The following NRG1 variants were observed in gnomAD, a reference collection of about 807,000 sequenced individuals.
The protein encoded by NRG1 is neuregulin 1.
A neutral mutation model predicts 63.8 loss-of-function variants in NRG1; 18 were observed. The ratio of observed to expected loss-of-function variants is 0.28; its 90% CI spans 0.19 to 0.42. NRG1 has a LOEUF of 0.42. Ranked by LOEUF, NRG1 falls within the 10% of genes least tolerant of loss-of-function variation. The pLI is 1.00. For synonymous variants in NRG1, 302 were observed against 301.3 expected, an observed-to-expected ratio of 1.00 and a Z score of -0.02; for missense variants, 762 against 814.7, an observed-to-expected ratio of 0.94 and a Z score of 0.79.
At chr8:32,447,384 A>G (rs1434525681) in intron 1 of NRG1, among the ~76,000 whole-genome samples, 1 of 152,154 alleles carries the variant, frequency 6.6e-6, no homozygotes, top group Non-Finnish European at 1.5e-5. Context: ...AAATGGTGGT[A>G]TAGCAAGTCC....
intron 1 of NRG1, among the ~76,000 whole-genome samples, chr8:32,223,864 G>A (rs1846066506): frequency 6.6e-6 from 1 of 152,156 alleles, no homozygotes; most frequent in Admixed American, 6.5e-5. Context: ...AGCTGACTAT[G>A]AGTAAGAGGA....
intron 1 of NRG1, among the ~76,000 whole-genome samples, chr8:32,106,359 T>C (rs1449463839): frequency 6.6e-6 from 1 of 152,260 alleles, no homozygotes; most frequent in Non-Finnish European, 1.5e-5. Flanking sequence ...GGAAGTCAGT[T>C]AAAATGTATT....
intron 5 of NRG1, among the ~76,000 whole-genome samples, chr8:32,715,521 C>A (rs16879811): frequency 0.31 from 47,521 of 152,020 alleles, 7,876 homozygotes; most frequent in Non-Finnish European, 0.36. Flanking sequence ...GATTGAAGCT[C>A]CAACACACTG....
intron 1 of NRG1, among the ~76,000 whole-genome samples, chr8:31,797,019 G>C (rs768427644): frequency 6.6e-6 from 1 of 152,110 alleles, no homozygotes; most frequent in Non-Finnish European, 1.5e-5. Flanking sequence ...GTGAAGTTCT[G>C]AGATAGACTG....
chr8:32,105,154 T>C (rs186703532), intron 1 of NRG1, among the ~76,000 whole-genome samples: 5 of 152,274 alleles, frequency 3.3e-5, no homozygotes, highest in Non-Finnish European at 5.9e-5. Flanking sequence ...CACTAAGTGA[T>C]AGAAATTTTT....
chr8:31,720,710 C>T (rs558751528), intron 1 of NRG1, among the ~76,000 whole-genome samples: 9 of 152,086 alleles, frequency 5.9e-5, no homozygotes, highest in Admixed American at 3.3e-4. Flanking sequence ...ATTCAAGAAA[C>T]GAAAGAAAGT....
chr8:32,139,007 G>A (rs895303261), intron 1 of NRG1, among the ~76,000 whole-genome samples: 2 of 152,156 alleles, frequency 1.3e-5, no homozygotes, highest in African/African-American at 2.4e-5. Flanking sequence ...GTGAGTGAAT[G>A]AATGACTAAA....
chr8:32,722,711 T>G (rs1473499471), intron 5 of NRG1, among the ~76,000 whole-genome samples: 1 of 152,178 alleles, frequency 6.6e-6, no homozygotes, highest in African/African-American at 2.4e-5. Context: ...TAAGTTTAAT[T>G]CTTGTAATTT....
In NRG1 at chr8:32,742,046, A is replaced by C; in HGVS notation, c.633-629A>C. 1 of 1,613,684 alleles carries C rather than the reference A, an allele frequency of 6.2e-7. No individual in the cohort carries two copies. The highest frequency in any genetic ancestry group is 8.5e-7 in the Non-Finnish European group (1 of 1,179,768). ...TTCACTGGAGCAAGATGTACTGAGA[A>C]TGTGCCCATGAAAGTCCAAAACCAA... is the stretch of plus-strand genomic sequence containing the variant. On this transcript the variant is annotated intron_variant, in intron 6 of 11. Transcript: ENST00000356819. This position sits in a 1 kb window ranked among gnomAD's most constrained non-coding sequence, Gnocchi z 4.2.
intron 1 of NRG1, among the ~76,000 whole-genome samples, chr8:31,839,041 C>T (rs1008977272): frequency 1.3e-5 from 2 of 152,120 alleles, no homozygotes; most frequent in Admixed American, 6.6e-5. Context: ...AGAAATATTT[C>T]ATTATATGTT....
intron 1 of NRG1, among the ~76,000 whole-genome samples, chr8:31,754,088 A>T (rs1045778912): frequency 6.6e-6 from 1 of 152,090 alleles, no homozygotes; most frequent in Admixed American, 6.6e-5. Flanking sequence ...AGAGAACTTA[A>T]AATTTCCTTG....
intron 1 of NRG1, among the ~76,000 whole-genome samples, chr8:32,205,692 A>T (rs1296151451): frequency 6.6e-6 from 1 of 152,156 alleles, no homozygotes; most frequent in Non-Finnish European, 1.5e-5. Context: ...AGTAGCACCG[A>T]CTTGCTACTG....
At chr8:32,565,338 C>T (rs1481358178) in intron 1 of NRG1, among the ~76,000 whole-genome samples, 4 of 152,116 alleles carry the variant, frequency 2.6e-5, no homozygotes, top group Non-Finnish European at 5.9e-5. Context: ...TTCTAGGCTG[C>T]TCTCAAACTC....
intron 1 of NRG1, among the ~76,000 whole-genome samples, chr8:32,182,201 A>G (rs1489502436): frequency 1.3e-5 from 2 of 152,126 alleles, no homozygotes; most frequent in East Asian, 3.9e-4. Flanking sequence ...ATCAGAAAGG[A>G]AAAAACACAG....
chr8:32,159,371 A>G (rs1308985306), intron 1 of NRG1, among the ~76,000 whole-genome samples: 1 of 150,618 alleles, frequency 6.6e-6, no homozygotes, highest in Non-Finnish European at 1.5e-5. Flanking sequence ...CGTCTCTACT[A>G]AAAATACAAA....
intron 5 of NRG1, among the ~76,000 whole-genome samples, chr8:32,646,189 A>T (rs1320815195): frequency 6.6e-6 from 1 of 152,154 alleles, no homozygotes. Context: ...ATGGAAATTC[A>T]AAGGGGACCA....
At chr8:32,667,798 C>T (rs1804593036) in intron 5 of NRG1, among the ~76,000 whole-genome samples, 2 of 152,054 alleles carry the variant, frequency 1.3e-5, no homozygotes, top group South Asian at 4.1e-4. Flanking sequence ...TATTTCAAAC[C>T]AGTTAGTTCA....
At chr8:32,548,962 G>A (rs1328492546) in intron 1 of NRG1, 136 bp downstream of exon 1, 2 of 1,225,572 alleles carry the variant, frequency 1.6e-6, no homozygotes, top group Non-Finnish European at 2.2e-6. Context: ...AGCGCCCGTT[G>A]AGTCGCGCGG....
At chr8:32,205,340 T>C (rs1843934571) in intron 1 of NRG1, among the ~76,000 whole-genome samples, 1 of 152,192 alleles carries the variant, frequency 6.6e-6, no homozygotes, top group African/African-American at 2.4e-5. Context: ...CTCATTTTTT[T>C]CCCCAGTGAT....
Sources: allele counts gnomAD v4.1 joint callset (sites outside exome capture counted in the v4.1 genomes callset), GRCh38; gene constraint gnomAD v4.1.1; non-coding constraint Gnocchi (gnomAD v3.1); transcripts MANE v1.5; gene names NCBI Gene and HGNC (gene_info 2026-07-23, HGNC 2026-07-21).